The following SLC25A42 variants were observed in gnomAD, a reference collection of about 807,000 sequenced individuals.
SLC25A42 encodes solute carrier family 25 member 42.
A neutral mutation model predicts 34.7 loss-of-function variants in SLC25A42; 19 were observed. The ratio of observed to expected loss-of-function variants is 0.55; its 90% confidence interval spans 0.38 to 0.80. The LOEUF (loss-of-function observed/expected upper bound fraction) is 0.80. SLC25A42 is among the 30% of genes least tolerant of loss of function. SLC25A42 has a pLI of 0.00. For missense variants in SLC25A42, 364 were observed against 441.3 expected (o/e 0.82, Z 1.57); for synonymous variants, 205 against 191.2 (o/e 1.07, Z -0.59).
intron 1 of SLC25A42, among the ~76,000 whole-genome samples, chr19:19,093,804 A>C (rs1193728741): frequency 6.6e-6 from 1 of 152,126 alleles, no homozygotes; most frequent in East Asian, 1.9e-4. Context: ...CAGCCTCCTG[A>C]GTAGCTGAGA....
In SLC25A42 at chr19:19,096,081, A is replaced by AC. The variant is rs752877673; in HGVS notation, c.-34-3dup. The AC allele has an allele frequency of 9.7e-6, 15 of 1,553,060 alleles. No homozygotes were observed. Among genetic ancestry groups the AC allele is most frequent in the Middle Eastern group, 1.7e-4 (1 of 5,950 alleles). ...TCGCCGTATCTTACCACCTCCCCTTACCCCCCCAGGACCGAGTCTCCTGCC... is the reference window on the plus strand; with the variant it reads ...TCGCCGTATCTTACCACCTCCCCTTACCCCCCCCAGGACCGAGTCTCCTGCC... On this transcript the variant is annotated splice_polypyrimidine_tract_variant and intron_variant, in intron 1 of 7. Transcript: ENST00000318596.
At chr19:19,079,778 C>G (rs2059672140) in intron 1 of SLC25A42, among the ~76,000 whole-genome samples, 1 of 152,094 alleles carries the variant, frequency 6.6e-6, no homozygotes, top group African/African-American at 2.4e-5. Context: ...CACTATGTTG[C>G]CCAGGCTGGT....
chr19:19,101,489 C>T (rs4632263), intron 2 of SLC25A42, among the ~76,000 whole-genome samples: 34,590 of 152,110 alleles, frequency 0.23, 4,370 homozygotes, highest in Non-Finnish European at 0.27. Flanking sequence ...CTGAAGTTTG[C>T]ACGTGGGCCA....
At chr19:19,105,481 T>C in intron 4 of SLC25A42, 80 bp from the exon 5 acceptor site, 5 of 1,536,282 alleles carry the variant, frequency 3.3e-6, no homozygotes, top group African/African-American at 1.4e-5. Flanking sequence ...CTCCGCACTT[T>C]GGGCGCTCTG....
At chr19:19,102,152 G>T (rs2059800799) in intron 3 of SLC25A42, among the ~76,000 whole-genome samples, 1 of 151,976 alleles carries the variant, frequency 6.6e-6, no homozygotes, top group African/African-American at 2.4e-5. Flanking sequence ...GGTACTACAG[G>T]CATGCGCCAC....
chr19:19,085,988 C>T (rs111908208), intron 1 of SLC25A42, among the ~76,000 whole-genome samples: 2 of 152,216 alleles, frequency 1.3e-5, no homozygotes, highest in African/African-American at 4.8e-5. Context: ...CTTAGAGTCA[C>T]CCTCCACAGT....
At chr19:19,065,015 C>T (rs1246894690) in intron 1 of SLC25A42, among the ~76,000 whole-genome samples, 5 of 152,196 alleles carry the variant, frequency 3.3e-5, no homozygotes, top group Non-Finnish European at 7.3e-5. Context: ...AGAGGCAGAG[C>T]CTATTCTACC....
intron 1 of SLC25A42, among the ~76,000 whole-genome samples, chr19:19,084,704 C>T (rs1446323638): frequency 1.3e-5 from 2 of 152,140 alleles, no homozygotes; most frequent in Non-Finnish European, 2.9e-5. Context: ...CTGAACCCAC[C>T]TTACCCAAGA....
At chr19:19,101,668 G>A in intron 2 of SLC25A42, 113 bp from the exon 3 acceptor site, 1 of 875,200 alleles carries the variant, frequency 1.1e-6, no homozygotes, top group East Asian at 2.7e-5. Context: ...ACTCAGGGTG[G>A]GGTACATCCC....
At position 19,105,742 on chromosome 19, in the gene SLC25A42, C is replaced by CGCCCT. The variant is rs2059823045; in HGVS notation, c.380+19_380+23dup. ...TTCCGTGGAGAGTGAGGCCCCGCCC[C>CGCCCT]GCCCTGCCACAGAATCGCCCCGCCC... On this transcript the variant is annotated intron_variant, in intron 5 of 7. Coordinates refer to ENST00000318596, the MANE Select transcript of SLC25A42 (RefSeq NM_178526.5). 2 of 1,526,828 alleles carry CGCCCT rather than the reference C, an allele frequency of 1.3e-6. No individual in the cohort carries two copies. Among genetic ancestry groups the CGCCCT allele is most frequent in the South Asian group, 1.2e-5 (1 of 82,684 alleles). The allele number at this position is 1,526,828 out of a possible 1,614,324, so 94.6% of individuals were successfully genotyped here.
Position 19,107,973 on chromosome 19 carries a change from A to G in SLC25A42, c.577A>G (p.Thr193Ala). ...GACTCTCTACCATGGATTTATGCCCACCGTGCTGGGGGTCATTCCCTACGC... is the reference window on the plus strand; with the variant it reads ...GACTCTCTACCATGGATTTATGCCCGCCGTGCTGGGGGTCATTCCCTACGC... Reference protein sequence around the residue: ...LKTLYHGFMPTVLGVIPYAGL... With the variant: ...LKTLYHGFMPAVLGVIPYAGL... The change falls in exon 7 of 8, where the codon ACC becomes GCC. Residue 193 changes from threonine (T) to alanine (A), a missense_variant. Coordinates refer to ENST00000318596, the MANE Select transcript of SLC25A42 (RefSeq NM_178526.5). 1 of 1,613,690 alleles carries G rather than the reference A, an allele frequency of 6.2e-7. No individual in the cohort carries two copies. The highest frequency in any genetic ancestry group is 8.5e-7 in the Non-Finnish European group (1 of 1,179,796).
chr19:19,072,153 A>T (rs1278265280), intron 1 of SLC25A42, among the ~76,000 whole-genome samples: 1 of 152,138 alleles, frequency 6.6e-6, no homozygotes, highest in African/African-American at 2.4e-5. Flanking sequence ...GTGCCTGGCG[A>T]ATGTGTACAT....
chr19:19,080,675 C>G (rs942819063), intron 1 of SLC25A42, among the ~76,000 whole-genome samples: 1 of 151,984 alleles, frequency 6.6e-6, no homozygotes, highest in African/African-American at 2.4e-5. Flanking sequence ...GTAATCCCAG[C>G]ACTTTGGGAG....
At chr19:19,105,860 A>C in intron 5 of SLC25A42, 133 bp downstream of exon 5, 1 of 764,936 alleles carries the variant, frequency 1.3e-6, no homozygotes, top group South Asian at 1.9e-5. Context: ...ACAACGAAAC[A>C]CTGGGAGACT....
At chr19:19,067,907 A>G (rs778672260) in intron 1 of SLC25A42, among the ~76,000 whole-genome samples, 2 of 152,112 alleles carry the variant, frequency 1.3e-5, no homozygotes, top group Non-Finnish European at 2.9e-5. Context: ...CACGTGTCAT[A>G]CAGTTTTTTT....
At chr19:19,091,807 G>A (rs551855201) in intron 1 of SLC25A42, among the ~76,000 whole-genome samples, 1 of 152,290 alleles carries the variant, frequency 6.6e-6, no homozygotes, top group African/African-American at 2.4e-5. Context: ...AGACCAGGAG[G>A]TCGAGGCTAT....
At chr19:19,090,383 A>T (rs542670753) in intron 1 of SLC25A42, among the ~76,000 whole-genome samples, 1 of 151,940 alleles carries the variant, frequency 6.6e-6, no homozygotes, top group South Asian at 2.1e-4. Context: ...ACAAGATAAA[A>T]GCAGACAAAT....
At chr19:19,073,482 T>G (rs910875358) in intron 1 of SLC25A42, among the ~76,000 whole-genome samples, 1 of 152,128 alleles carries the variant, frequency 6.6e-6, no homozygotes, top group Non-Finnish European at 1.5e-5. Context: ...AAACTTGGCA[T>G]GTCCAGGGAA....
intron 1 of SLC25A42, among the ~76,000 whole-genome samples, chr19:19,069,522 G>A (rs2059618731): frequency 6.6e-6 from 1 of 152,214 alleles, no homozygotes; most frequent in Admixed American, 6.5e-5. Context: ...TCCTTCTGGA[G>A]GCTCTGAGGG....
Sources: allele counts gnomAD v4.1 joint callset (sites outside exome capture counted in the v4.1 genomes callset), GRCh38; gene constraint gnomAD v4.1.1; transcripts MANE v1.5; gene names NCBI Gene and HGNC (gene_info 2026-07-23, HGNC 2026-07-21).